ASAP1: variants seen among roughly 807,000 people sequenced by gnomAD.
ASAP1 encodes the protein arf-GAP with SH3 domain, ANK repeat and PH domain-containing protein 1.
Under a neutral mutation model 145.2 loss-of-function variants are expected in ASAP1, and 43 were observed. That is an observed-to-expected ratio of 0.30 (90% confidence interval 0.23 to 0.38). The LOEUF is 0.38. Ranked by LOEUF, ASAP1 falls within the 10% of genes least tolerant of loss-of-function variation. ASAP1 has a pLI of 1.00. For missense variants in ASAP1, 1,018 were observed against 1,355.3 expected (o/e 0.75, Z 3.91); for synonymous variants, 546 against 515.5 (o/e 1.06, Z -0.80).
At chr8:130,090,656 T>C (rs2097503617) in intron 25 of ASAP1, among the ~76,000 whole-genome samples, 2 of 152,216 alleles carry the variant, frequency 1.3e-5, no homozygotes, top group South Asian at 2.1e-4. Flanking sequence ...TGTGCTCTAA[T>C]GACTTACCCA....
At chr8:130,438,696 C>G (rs1435659820) in intron 1 of ASAP1, among the ~76,000 whole-genome samples, 3 of 152,074 alleles carry the variant, frequency 2.0e-5, no homozygotes, top group African/African-American at 7.2e-5. Flanking sequence ...AACAATCGGG[C>G]CGACAGCTGA....
At chr8:130,249,164 C>G (rs1819042430) in intron 3 of ASAP1, among the ~76,000 whole-genome samples, 1 of 152,148 alleles carries the variant, frequency 6.6e-6, no homozygotes, top group Non-Finnish European at 1.5e-5. Flanking sequence ...GCAGTTCATC[C>G]TCCACCCATC....
intron 5 of ASAP1, among the ~76,000 whole-genome samples, chr8:130,197,140 C>T (rs1274753975): frequency 6.6e-6 from 1 of 152,240 alleles, no homozygotes; most frequent in Non-Finnish European, 1.5e-5. Flanking sequence ...ACAGAACTGA[C>T]ACCAACGGGC....
In ASAP1 at chr8:130,052,508, T is replaced by C. The variant is rs1221214154; in HGVS notation, c.*2223A>G. ...CTGAGTTTAAGATCAAGATCAGACT[T>C]AAACTCAACAAGATCACCAAAGGTA... is the stretch of plus-strand genomic sequence containing the variant. On this transcript the variant is annotated 3_prime_UTR_variant, in exon 30 of 30. Coordinates refer to ENST00000518721, the MANE Select transcript of ASAP1 (RefSeq NM_018482.4). 2 of 152,546 alleles carry C rather than the reference T, an allele frequency of 1.3e-5. No homozygotes were observed. Among genetic ancestry groups the C allele is most frequent in the African/African-American group, 2.4e-5 (1 of 41,444 alleles). The allele number at this position is 152,546 out of a possible 1,614,324, so 9.4% of individuals were successfully genotyped here.
At chr8:130,089,398 T>C (rs1161493949) in intron 25 of ASAP1, among the ~76,000 whole-genome samples, 1 of 152,148 alleles carries the variant, frequency 6.6e-6, no homozygotes, top group Non-Finnish European at 1.5e-5. Flanking sequence ...TACCTGCTCG[T>C]GCCTGGTGTC....
At chr8:130,355,355 T>A (rs1463022567) in intron 3 of ASAP1, among the ~76,000 whole-genome samples, 1 of 152,204 alleles carries the variant, frequency 6.6e-6, no homozygotes, top group Non-Finnish European at 1.5e-5. Context: ...AGTTGCGCTC[T>A]ATGTATGTGC....
At chr8:130,094,279 C>T (rs2097512355) in intron 24 of ASAP1, among the ~76,000 whole-genome samples, 1 of 152,134 alleles carries the variant, frequency 6.6e-6, no homozygotes, top group Non-Finnish European at 1.5e-5. Flanking sequence ...GGCAAGATCA[C>T]AGCTCACTGC....
intron 12 of ASAP1, among the ~76,000 whole-genome samples, chr8:130,154,057 G>A (rs940695462): frequency 2.0e-5 from 3 of 152,082 alleles, no homozygotes; most frequent in African/African-American, 7.2e-5. Flanking sequence ...AGTTAAGAAA[G>A]TAACTCAAGA....
intron 8 of ASAP1, among the ~76,000 whole-genome samples, chr8:130,179,878 T>G (rs565670339): frequency 6.6e-6 from 1 of 152,138 alleles, no homozygotes; most frequent in African/African-American, 2.4e-5. Context: ...AGATTTTCTA[T>G]TGACACTGTT....
chr8:130,057,382 T>C (rs2097406488), intron 29 of ASAP1, among the ~76,000 whole-genome samples: 1 of 152,228 alleles, frequency 6.6e-6, no homozygotes, highest in South Asian at 2.1e-4. Context: ...ACTCACAAGG[T>C]TACATGATAC....
intron 4 of ASAP1, among the ~76,000 whole-genome samples, chr8:130,236,058 T>C (rs1316561488): frequency 6.6e-6 from 1 of 152,108 alleles, no homozygotes; most frequent in Non-Finnish European, 1.5e-5. Context: ...ACCTTGCTAA[T>C]AAGAAGTGGA....
At chr8:130,256,284 T>A (rs983419391) in intron 3 of ASAP1, among the ~76,000 whole-genome samples, 1 of 152,126 alleles carries the variant, frequency 6.6e-6, no homozygotes, top group Non-Finnish European at 1.5e-5. Context: ...GTTTTTTGTT[T>A]TAGGAGAATG....
intron 3 of ASAP1, among the ~76,000 whole-genome samples, chr8:130,252,390 T>C (rs1819253908): frequency 6.6e-6 from 1 of 152,218 alleles, no homozygotes; most frequent in Admixed American, 6.5e-5. Context: ...CCTTATACAA[T>C]ATTAAAAGAT....
At chr8:130,288,337 T>C (rs1242092403) in intron 3 of ASAP1, among the ~76,000 whole-genome samples, 1 of 151,868 alleles carries the variant, frequency 6.6e-6, no homozygotes, top group Non-Finnish European at 1.5e-5. Flanking sequence ...TCCATTCTTT[T>C]ACAAGAGCTG....
At chr8:130,329,402 T>G (rs1405320911) in intron 3 of ASAP1, among the ~76,000 whole-genome samples, 1 of 152,174 alleles carries the variant, frequency 6.6e-6, no homozygotes, top group Non-Finnish European at 1.5e-5. Flanking sequence ...TGCTACATCC[T>G]AAGTATTGCC....
chr8:130,270,068 G>A (rs931475960), intron 3 of ASAP1, among the ~76,000 whole-genome samples: 6 of 152,214 alleles, frequency 3.9e-5, no homozygotes, highest in Non-Finnish European at 8.8e-5. Context: ...TATTCTGGAG[G>A]CCGAGGCACA....
intron 9 of ASAP1, among the ~76,000 whole-genome samples, chr8:130,177,367 GT>G: frequency 6.6e-6 from 1 of 152,332 alleles, no homozygotes; most frequent in Non-Finnish European, 1.5e-5. Flanking sequence ...GATTTCTAAA[GT>G]CAGGTGAAAT....
chr8:130,389,222 T>C (rs1056737946), intron 2 of ASAP1, among the ~76,000 whole-genome samples: 3 of 152,224 alleles, frequency 2.0e-5, no homozygotes, highest in African/African-American at 7.2e-5. Context: ...ATACCCATTT[T>C]GCAGATAAGG....
At chr8:130,284,396 A>G (rs1821463809) in intron 3 of ASAP1, among the ~76,000 whole-genome samples, 1 of 152,210 alleles carries the variant, frequency 6.6e-6, no homozygotes, top group African/African-American at 2.4e-5. Context: ...TATGAGGTTC[A>G]AATGAACCCC....
Sources: gnomAD v4.1 joint callset for allele counts (sites outside exome capture counted in the v4.1 genomes callset) on GRCh38, gnomAD v4.1.1 for gene constraint, MANE v1.5 for transcripts, NCBI Gene and HGNC (gene_info 2026-07-23, HGNC 2026-07-21) for gene names.